PTGFRN: variants seen among roughly 807,000 people sequenced by gnomAD.
The protein encoded by PTGFRN is prostaglandin F2 receptor negative regulator.
Under a neutral mutation model 83.2 loss-of-function variants are expected in PTGFRN, and 35 were observed. The ratio of observed to expected loss-of-function variants is 0.42; its 90% CI spans 0.32 to 0.56. PTGFRN has a LOEUF of 0.56. Ranked by LOEUF, PTGFRN falls within the 20% of genes least tolerant of loss-of-function variation. The pLI is 0.11. For synonymous variants in PTGFRN, 519 were observed against 498.6 expected (o/e 1.04, Z -0.55); for missense variants, 1,051 against 1,179.5 (o/e 0.89, Z 1.60).
At position 116,967,380 on chromosome 1, in the gene PTGFRN, G is replaced by T. The variant is rs994177555; in HGVS notation, c.2059+50G>T. ...ATAGGTGGAGCTAGAAGAGACCCTA[G>T]GGTTTTGATCAGATGCCCTCATTTT... On this transcript the variant is annotated intron_variant, in intron 6 of 8. Transcript: ENST00000393203. 2.6e-6 allele frequency: 4 copies of T among 1,543,056 alleles called. No homozygotes were observed. The African/African-American group carries it at 5.5e-5, about 21-fold the overall frequency.
chr1:116,954,777 A>C (rs2101072031), intron 4 of PTGFRN, among the ~76,000 whole-genome samples: 1 of 152,294 alleles, frequency 6.6e-6, no homozygotes, highest in Admixed American at 6.5e-5. Context: ...CTTCTAACTT[A>C]GCTCCTCTAA....
chr1:116,920,717 G>A (rs984856636), intron 1 of PTGFRN, among the ~76,000 whole-genome samples: 6 of 152,234 alleles, frequency 3.9e-5, no homozygotes, highest in South Asian at 2.1e-4. Context: ...ACTGCCTCCC[G>A]GGTTCAAGCA....
intron 5 of PTGFRN, among the ~76,000 whole-genome samples, chr1:116,965,105 C>T (rs1348579963): frequency 6.6e-6 from 1 of 152,114 alleles, no homozygotes; most frequent in Non-Finnish European, 1.5e-5. Flanking sequence ...ACCTAGCACC[C>T]TCCCCAGCAC....
At chr1:116,931,175 A>C (rs1023816603) in intron 1 of PTGFRN, among the ~76,000 whole-genome samples, 2 of 152,222 alleles carry the variant, frequency 1.3e-5, no homozygotes, top group Non-Finnish European at 2.9e-5. Context: ...TCGTTGGAGC[A>C]CTTTGGATTT....
intron 7 of PTGFRN, among the ~76,000 whole-genome samples, chr1:116,976,704 A>G (rs531939318): frequency 1.2e-4 from 18 of 152,364 alleles, no homozygotes; most frequent in Admixed American, 1.0e-3. Context: ...GGCCTGCCCT[A>G]CAAGAGCTCC....
intron 7 of PTGFRN, among the ~76,000 whole-genome samples, chr1:116,979,374 A>C (rs1226996093): frequency 6.6e-6 from 1 of 152,232 alleles, no homozygotes; most frequent in African/African-American, 2.4e-5. Flanking sequence ...AAACTACTTT[A>C]AAGTTCATAT....
chr1:116,943,413 C>A (rs1040131055), intron 2 of PTGFRN, among the ~76,000 whole-genome samples: 1 of 152,136 alleles, frequency 6.6e-6, no homozygotes, highest in Non-Finnish European at 1.5e-5. Context: ...GGGGAGAATT[C>A]CCCCACCCGC....
At chr1:116,920,954 A>T (rs1006269048) in intron 1 of PTGFRN, among the ~76,000 whole-genome samples, 8 of 152,206 alleles carry the variant, frequency 5.3e-5, no homozygotes, top group Non-Finnish European at 1.0e-4. Context: ...TCTCCAACCA[A>T]TAGACTCAGC....
At chr1:116,966,143 A>G (rs1650823453) in intron 5 of PTGFRN, among the ~76,000 whole-genome samples, 1 of 152,266 alleles carries the variant, frequency 6.6e-6, no homozygotes, top group Non-Finnish European at 1.5e-5. Context: ...GCACCTTCCA[A>G]GTGCCTGACG....
intron 1 of PTGFRN, among the ~76,000 whole-genome samples, chr1:116,931,958 G>A (rs1224134840): frequency 3.3e-5 from 5 of 152,178 alleles, no homozygotes; most frequent in Non-Finnish European, 7.3e-5. Flanking sequence ...CAACTCACCT[G>A]TACCACTGGA....
Position 116,941,605 on chromosome 1 carries a change from T to C in PTGFRN, c.50-110T>C. On this transcript the variant is annotated intron_variant, in intron 1 of 8. Transcript: ENST00000393203. This position sits in a 1 kb window ranked among gnomAD's most constrained non-coding sequence, Gnocchi z 5.0. Reference sequence around the variant, plus strand: ...GATACATTTTCCCTAGTAGTTTGGCTGTCACGTTTCTGCCATGCCTGTGAG... The same window carrying C: ...GATACATTTTCCCTAGTAGTTTGGCCGTCACGTTTCTGCCATGCCTGTGAG... 6 of 1,402,332 alleles carry C rather than the reference T, an allele frequency of 4.3e-6. No individual in the cohort carries two copies. The highest frequency in any genetic ancestry group is 5.8e-6 in the Non-Finnish European group (6 of 1,042,976). The allele number at this position is 1,402,332 out of a possible 1,614,324, so 86.9% of individuals were successfully genotyped here. A position where few individuals can be genotyped will look rare whatever the true frequency, so the allele number is the denominator to read the frequency against.
chr1:116,960,336 C>T (rs924554581), intron 4 of PTGFRN, among the ~76,000 whole-genome samples: 19 of 152,132 alleles, frequency 1.2e-4, no homozygotes, highest in African/African-American at 4.6e-4. Context: ...AAGAGGATTC[C>T]AACATCAGCT....
At chr1:116,929,122 A>G (rs746750765) in intron 1 of PTGFRN, among the ~76,000 whole-genome samples, 1 of 152,218 alleles carries the variant, frequency 6.6e-6, no homozygotes, top group African/African-American at 2.4e-5. Flanking sequence ...CTGTCTCAGT[A>G]AGTGGCATCA....
At chr1:116,931,859 T>TA (rs1397570762) in intron 1 of PTGFRN, among the ~76,000 whole-genome samples, 1 of 152,200 alleles carries the variant, frequency 6.6e-6, no homozygotes, top group East Asian at 1.9e-4. Context: ...GAGTCTCTCC[T>TA]AAAAGCCTTG....
chr1:116,962,299 C>T (rs1650687572), intron 5 of PTGFRN: 1 of 152,328 alleles, frequency 6.6e-6, no homozygotes, highest in African/African-American at 2.4e-5. Context: ...TTGCTAACTT[C>T]AGTATCTGTG....
chr1:116,968,580 A>G (rs1026315299), intron 6 of PTGFRN, among the ~76,000 whole-genome samples: 1 of 152,126 alleles, frequency 6.6e-6, no homozygotes, highest in Non-Finnish European at 1.5e-5. Context: ...AATTTACTAT[A>G]TATAGAGTGT....
intron 1 of PTGFRN, among the ~76,000 whole-genome samples, chr1:116,938,218 C>T (rs976652310): frequency 6.6e-6 from 1 of 152,106 alleles, no homozygotes; most frequent in Non-Finnish European, 1.5e-5. Flanking sequence ...CCTTAAGAAA[C>T]ATAAGTAGGC....
At chr1:116,945,215 C>A in intron 3 of PTGFRN, 123 bp downstream of exon 3, 1 of 1,281,760 alleles carries the variant, frequency 7.8e-7, no homozygotes, top group Non-Finnish European at 1.0e-6. Context: ...CCATGTGAGG[C>A]CTTATTTTTA....
At position 116,976,027 on chromosome 1, in the gene PTGFRN, A is replaced by G. The variant is rs369487712; in HGVS notation, c.2167+1704A>G. On this transcript the variant is annotated intron_variant, in intron 7 of 8. Transcript: ENST00000393203. Reference sequence around the variant, plus strand: ...AATAACCAGTGTAGAGAAGTCCTTAAATGACCTTATGGAGCTGAAAACCAT... The same window carrying G: ...AATAACCAGTGTAGAGAAGTCCTTAGATGACCTTATGGAGCTGAAAACCAT... 2.4e-4 allele frequency among the ~76,000 whole-genome samples: 37 copies of G among 152,342 alleles called. No homozygotes were observed. In the East Asian group the frequency reaches 4.2e-3, roughly 17 times the overall value.
Sources: gnomAD v4.1 joint callset for allele counts (sites outside exome capture counted in the v4.1 genomes callset) on GRCh38, gnomAD v4.1.1 for gene constraint, Gnocchi (gnomAD v3.1) non-coding constraint, MANE v1.5 for transcripts, NCBI Gene and HGNC (gene_info 2026-07-23, HGNC 2026-07-21) for gene names.